Variants in KCNMA1 observed in about 807,000 individuals in gnomAD.
The protein encoded by KCNMA1 is potassium calcium-activated channel subfamily M alpha 1.
In KCNMA1, 29 loss-of-function variants were observed where a neutral mutation model predicts 140.0. The observed-to-expected ratio is 0.21, with a 90% CI of 0.15 to 0.28. The LOEUF (loss-of-function observed/expected upper bound fraction) is 0.28, where lower values mean the gene tolerates loss of function less well. KCNMA1 is among the 10% of genes least tolerant of loss of function. The pLI, the probability that KCNMA1 is intolerant of heterozygous loss-of-function variation, is 1.00. For synonymous variants in KCNMA1, 612 were observed against 611.9 expected (o/e 1.00, Z 0.00); for missense variants, 880 against 1,602.2 (o/e 0.55, Z 7.70).
chr10:77,152,986 C>G (rs2098441858), intron 5 of KCNMA1, among the ~76,000 whole-genome samples: 1 of 152,132 alleles, frequency 6.6e-6, no homozygotes, highest in South Asian at 2.1e-4. Context: ...CACTAAGGCC[C>G]CTGGAGCCAT....
At chr10:77,254,569 T>G (rs975568526) in intron 2 of KCNMA1, among the ~76,000 whole-genome samples, 3 of 152,156 alleles carry the variant, frequency 2.0e-5, no homozygotes, top group Non-Finnish European at 2.9e-5. Context: ...ATTAATCCCA[T>G]GCTATTATGC....
intron 12 of KCNMA1, among the ~76,000 whole-genome samples, chr10:77,080,945 T>C (rs776277215): frequency 1.3e-5 from 2 of 152,172 alleles, no homozygotes; most frequent in African/African-American, 2.4e-5. Flanking sequence ...CAGCCTTCCA[T>C]AGCTAATAGA....
chr10:77,432,198 C>G (rs988296897), intron 1 of KCNMA1, among the ~76,000 whole-genome samples: 1 of 152,210 alleles, frequency 6.6e-6, no homozygotes. Flanking sequence ...GCCAAAGGGA[C>G]TTTGCCTCCT....
At chr10:77,198,299 G>A (rs1244143399) in intron 3 of KCNMA1, among the ~76,000 whole-genome samples, 2 of 152,094 alleles carry the variant, frequency 1.3e-5, no homozygotes, top group Admixed American at 1.3e-4. Flanking sequence ...AAGGCGTAAT[G>A]TAGTGTTGAA....
intron 2 of KCNMA1, among the ~76,000 whole-genome samples, chr10:77,370,680 T>C (rs1171192114): frequency 6.6e-6 from 1 of 152,210 alleles, no homozygotes; most frequent in East Asian, 1.9e-4. Context: ...CTGTGGTAGA[T>C]GACCTATCCA....
At chr10:77,228,289 C>T (rs1213328697) in intron 3 of KCNMA1, among the ~76,000 whole-genome samples, 1 of 152,166 alleles carries the variant, frequency 6.6e-6, no homozygotes, top group Non-Finnish European at 1.5e-5. Flanking sequence ...TTTTAGAAAA[C>T]TCTCAGCCAG....
At chr10:77,613,254 T>TC (rs1395941143) in intron 1 of KCNMA1, among the ~76,000 whole-genome samples, 1 of 152,044 alleles carries the variant, frequency 6.6e-6, no homozygotes, top group East Asian at 1.9e-4. Flanking sequence ...GACCCAACCT[T>TC]CCCCCACAAC....
Position 77,106,712 on chromosome 10 carries a change from G to A in KCNMA1, c.1223+1769C>T, listed in dbSNP as rs147520546. Among the ~76,000 whole-genome samples the A allele has an allele frequency of 1.6e-3, 244 of 152,304 alleles. 8 individuals carry two copies. The East Asian group carries it at 0.041, about 26-fold the overall frequency. ...CCCTCAGAATGCCTTCTGCTTTATGGAGACCTGTCCACACCTTCAAGGCAA... is the reference window on the plus strand; with the variant it reads ...CCCTCAGAATGCCTTCTGCTTTATGAAGACCTGTCCACACCTTCAAGGCAA... On this transcript the variant is annotated intron_variant, in intron 9 of 27. Coordinates refer to ENST00000286628, the MANE Select transcript of KCNMA1 (RefSeq NM_001161352.2).
intron 1 of KCNMA1, among the ~76,000 whole-genome samples, chr10:77,524,842 G>A (rs888897519): frequency 3.3e-5 from 5 of 152,148 alleles, no homozygotes; most frequent in South Asian, 2.1e-4. Context: ...AGGGTTATGC[G>A]GGAGGGAAGA....
At chr10:77,569,876 A>C (rs1413706754) in intron 1 of KCNMA1, among the ~76,000 whole-genome samples, 9 of 152,320 alleles carry the variant, frequency 5.9e-5, no homozygotes, top group East Asian at 1.9e-4. Context: ...CAATGAACTC[A>C]AACAAATTTA....
At chr10:77,471,205 C>T (rs1287720444) in intron 1 of KCNMA1, among the ~76,000 whole-genome samples, 1 of 149,264 alleles carries the variant, frequency 6.7e-6, no homozygotes, top group Non-Finnish European at 1.5e-5. Context: ...ATGCAACACA[C>T]ACTACACAAC....
intron 3 of KCNMA1, among the ~76,000 whole-genome samples, chr10:77,206,472 T>C (rs746027688): frequency 1.3e-5 from 2 of 152,204 alleles, no homozygotes; most frequent in Non-Finnish European, 2.9e-5. Flanking sequence ...TGTTGTCAAA[T>C]GTAAAGTCAT....
chr10:77,020,209 A>C (rs2092671393), intron 16 of KCNMA1: 1 of 152,176 alleles, frequency 6.6e-6, no homozygotes, highest in African/African-American at 2.4e-5. Flanking sequence ...CCAAACAATC[A>C]AAATATAGAG....
At position 77,181,753 on chromosome 10, in the gene KCNMA1, G is replaced by A. The variant is rs1343225678; in HGVS notation, c.808+1668C>T. 4.6e-5 allele frequency among the ~76,000 whole-genome samples: 7 copies of A among 151,988 alleles called. No homozygotes were observed. In the East Asian group the frequency reaches 5.8e-4, roughly 13 times the overall value. The stretch of plus-strand genomic sequence containing the variant: ...AGAAAATAAGGAGGAATCAGGATAC[G>A]ATACGGAGAAAATAAGGAGGAATCA... On this transcript the variant is annotated intron_variant, in intron 5 of 27. Transcript: ENST00000286628.
chr10:76,987,857 A>G (rs74745015), intron 19 of KCNMA1, among the ~76,000 whole-genome samples: 7,361 of 152,262 alleles, frequency 0.048, 405 homozygotes, highest in African/African-American at 0.13. Flanking sequence ...ATCCTCTTAA[A>G]AAACAAGGAA....
At chr10:77,366,029 A>G (rs2154405729) in intron 2 of KCNMA1, among the ~76,000 whole-genome samples, 1 of 152,342 alleles carries the variant, frequency 6.6e-6, no homozygotes, top group East Asian at 1.9e-4. Flanking sequence ...GAGGTGAATA[A>G]TTCAGTGCAT....
At chr10:77,428,010 C>T (rs923168948) in intron 1 of KCNMA1, among the ~76,000 whole-genome samples, 2 of 152,148 alleles carry the variant, frequency 1.3e-5, no homozygotes, top group East Asian at 3.8e-4. Flanking sequence ...CTCGGCCTCC[C>T]AAAGTGCTGG....
intron 1 of KCNMA1, among the ~76,000 whole-genome samples, chr10:77,600,097 G>A (rs959752520): frequency 1.3e-5 from 2 of 152,196 alleles, no homozygotes; most frequent in Admixed American, 6.5e-5. Flanking sequence ...AGCAGTTCAG[G>A]ATTCTGATGC....
chr10:76,900,871 G>T (rs574230021), intron 25 of KCNMA1, among the ~76,000 whole-genome samples: 5 of 138,962 alleles, frequency 3.6e-5, no homozygotes, highest in African/African-American at 1.4e-4. Context: ...TATGTATCAA[G>T]AAATTTTAAA....
Sources: gnomAD v4.1 joint callset for allele counts (sites outside exome capture counted in the v4.1 genomes callset) on GRCh38, gnomAD v4.1.1 for gene constraint, MANE v1.5 for transcripts, NCBI Gene and HGNC (gene_info 2026-07-23, HGNC 2026-07-21) for gene names.